Variants in RBFOX1 observed in about 807,000 individuals in gnomAD.
The protein encoded by RBFOX1 is RNA binding fox-1 homolog 1.
A neutral mutation model predicts 57.7 loss-of-function variants in RBFOX1; 8 were observed. The observed-to-expected ratio is 0.14, with a 90% CI of 0.08 to 0.25. The LOEUF is 0.25. RBFOX1 is among the 10% of genes least tolerant of loss of function. The pLI, the probability that RBFOX1 is intolerant of heterozygous loss-of-function variation, is 1.00. For missense variants in RBFOX1, 611 were observed against 548.5 expected (o/e 1.11, Z -1.14); for synonymous variants, 326 against 222.4 (o/e 1.47, Z -4.15).
chr16:5,432,041 C>T (rs759901987), intron 1 of RBFOX1, among the ~76,000 whole-genome samples: 6 of 152,050 alleles, frequency 3.9e-5, no homozygotes, highest in Non-Finnish European at 7.4e-5. Context: ...TTGGTTCTCT[C>T]CTGGAGGTAA....
intron 4 of RBFOX1, among the ~76,000 whole-genome samples, chr16:7,448,803 G>C (rs13330691): frequency 0.028 from 4,313 of 151,966 alleles, 192 homozygotes; most frequent in African/African-American, 0.098. Context: ...TAATCTTCTT[G>C]TAAGGGCACC....
At chr16:5,979,084 G>T (rs1050695377) in intron 4 of RBFOX1, among the ~76,000 whole-genome samples, 1 of 152,214 alleles carries the variant, frequency 6.6e-6, no homozygotes, top group African/African-American at 2.4e-5. Context: ...GGGAATGAGT[G>T]TTCCTTAAAT....
At chr16:6,193,881 T>C (rs2097163145) in intron 1 of RBFOX1, among the ~76,000 whole-genome samples, 1 of 152,120 alleles carries the variant, frequency 6.6e-6, no homozygotes, top group African/African-American at 2.4e-5. Context: ...TTTCTGGCTT[T>C]TTGCATTGCC....
chr16:5,647,493 C>T (rs192022614), intron 3 of RBFOX1, among the ~76,000 whole-genome samples: 42 of 152,166 alleles, frequency 2.8e-4, no homozygotes, highest in Non-Finnish European at 1.8e-4. Context: ...TGAAGTCAGT[C>T]GAGGCAAGTT....
At chr16:5,517,829 C>G (rs1479318181) in intron 2 of RBFOX1, among the ~76,000 whole-genome samples, 6 of 143,484 alleles carry the variant, frequency 4.2e-5, no homozygotes, top group Admixed American at 7.3e-5. Flanking sequence ...TCAAAATTGA[C>G]TATTTTACAT....
At chr16:6,964,608 C>G (rs1170487762) in intron 3 of RBFOX1, among the ~76,000 whole-genome samples, 1 of 152,088 alleles carries the variant, frequency 6.6e-6, no homozygotes, top group Non-Finnish European at 1.5e-5. Context: ...GAACCTAATA[C>G]TCCTCTAAAA....
At chr16:6,530,799 C>A (rs1387301610) in intron 2 of RBFOX1, among the ~76,000 whole-genome samples, 1 of 150,646 alleles carries the variant, frequency 6.6e-6, no homozygotes, top group Non-Finnish European at 1.5e-5. Context: ...ACTAAAACAG[C>A]ACGGGAAACA....
chr16:7,495,035 T>C (rs2068160104), intron 4 of RBFOX1, among the ~76,000 whole-genome samples: 1 of 152,132 alleles, frequency 6.6e-6, no homozygotes, highest in African/African-American at 2.4e-5. Context: ...GTGTGCTTGA[T>C]GTTTAGCTCC....
chr16:5,969,950 C>T (rs2059930812), intron 4 of RBFOX1, among the ~76,000 whole-genome samples: 1 of 152,042 alleles, frequency 6.6e-6, no homozygotes, highest in African/African-American at 2.4e-5. Context: ...GGGAGTTGAC[C>T]ACATCTGTTG....
intron 3 of RBFOX1, among the ~76,000 whole-genome samples, chr16:6,788,040 T>A (rs139259961): frequency 0.014 from 2,123 of 152,106 alleles, 64 homozygotes; most frequent in African/African-American, 0.049. Context: ...CAGACCAACA[T>A]GGTGAAACCC....
At chr16:6,283,324 CAAAA>C (rs1292925141) in intron 1 of RBFOX1, among the ~76,000 whole-genome samples, 1 of 151,992 alleles carries the variant, frequency 6.6e-6, no homozygotes, top group Admixed American at 6.6e-5. Flanking sequence ...GACCTCATCT[CAAAA>C]AACAAAAACA....
At chr16:5,967,241 A>G (rs1184573728) in intron 4 of RBFOX1, among the ~76,000 whole-genome samples, 1 of 152,166 alleles carries the variant, frequency 6.6e-6, no homozygotes, top group Non-Finnish European at 1.5e-5. Context: ...AGCTTTTTTG[A>G]TCTACTAATC....
intron 3 of RBFOX1, among the ~76,000 whole-genome samples, chr16:5,633,692 C>T (rs1596526372): frequency 2.0e-5 from 3 of 151,838 alleles, no homozygotes; most frequent in Admixed American, 2.0e-4. Flanking sequence ...TGGCCAACAT[C>T]GTGAAACTCC....
rs181462712 is a variant in RBFOX1, at chr16:6,865,063, C to T, written c.-15-186994C>T. 2.3e-3 allele frequency among the ~76,000 whole-genome samples: 274 copies of T among 121,028 alleles called. 1 individual carries two copies. Among genetic ancestry groups the T allele is most frequent in the African/African-American group, 8.6e-3 (262 of 30,448 alleles). The allele number at this position is 121,028 out of a possible 152,430, so 79.4% of individuals were successfully genotyped here. On this transcript the variant is annotated intron_variant, in intron 3 of 15. Transcript: ENST00000550418. ...TGTCACCCAGGCTGGAGTGCAGTGG[C>T]GCGATCTTGGCTCACTGCAACCTCC...
chr16:6,957,276 T>G (rs1025815676), intron 3 of RBFOX1, among the ~76,000 whole-genome samples: 3 of 151,708 alleles, frequency 2.0e-5, no homozygotes, highest in Non-Finnish European at 4.4e-5. Context: ...GGACTACAGG[T>G]GCCCACCACT....
intron 4 of RBFOX1, among the ~76,000 whole-genome samples, chr16:7,406,612 T>G (rs574059030): frequency 7.2e-4 from 109 of 152,344 alleles, no homozygotes; most frequent in African/African-American, 2.6e-3. Flanking sequence ...TTGGCCTGCC[T>G]CTAAAACTCT....
chr16:6,618,338 G>A (rs1441592330), intron 2 of RBFOX1, among the ~76,000 whole-genome samples: 2 of 152,124 alleles, frequency 1.3e-5, no homozygotes, highest in Non-Finnish European at 2.9e-5. Context: ...GCAGTTTCAA[G>A]CCCTTAGCAT....
chr16:6,258,302 G>T (rs971716027), intron 1 of RBFOX1, among the ~76,000 whole-genome samples: 6 of 152,002 alleles, frequency 3.9e-5, no homozygotes, highest in African/African-American at 1.2e-4. Flanking sequence ...TATGCTTGAA[G>T]CTACAATGAC....
chr16:6,399,097 G>A (rs1385235852), intron 2 of RBFOX1, among the ~76,000 whole-genome samples: 11 of 152,224 alleles, frequency 7.2e-5, no homozygotes, highest in Non-Finnish European at 1.2e-4. Context: ...CTTGGGGCTT[G>A]CACCCTCTGA....
Sources: gnomAD v4.1 joint callset for allele counts (sites outside exome capture counted in the v4.1 genomes callset) on GRCh38, gnomAD v4.1.1 for gene constraint, MANE v1.5 for transcripts, NCBI Gene and HGNC (gene_info 2026-07-23, HGNC 2026-07-21) for gene names.